ZBTB38: variants seen among roughly 807,000 people sequenced by gnomAD.
ZBTB38 encodes the protein zinc finger and BTB domain containing 38.
ZBTB38 carries 20 observed loss-of-function variants against 76.8 expected under a neutral mutation model. That is an observed-to-expected ratio of 0.26 (90% confidence interval 0.18 to 0.38). ZBTB38 has a LOEUF of 0.38. Ranked by LOEUF, ZBTB38 falls within the 10% of genes least tolerant of loss-of-function variation. ZBTB38 has a pLI of 1.00. For synonymous variants in ZBTB38, 504 were observed against 544.2 expected, an observed-to-expected ratio of 0.93 and a Z score of 1.03; for missense variants, 1,082 against 1,482.3, an observed-to-expected ratio of 0.73 and a Z score of 4.43.
chr3:141,401,541 C>A (rs566470423), intron 4 of ZBTB38, among the ~76,000 whole-genome samples: 1 of 151,946 alleles, frequency 6.6e-6, no homozygotes, highest in South Asian at 2.1e-4. Context: ...TGCAGAATTG[C>A]AAGTACTGTA....
At chr3:141,414,316 C>T (rs1007326153) in intron 5 of ZBTB38, among the ~76,000 whole-genome samples, 16 of 152,132 alleles carry the variant, frequency 1.1e-4, no homozygotes, top group Admixed American at 3.3e-4. Flanking sequence ...GCCAGTTGCA[C>T]GCCATTTGAC....
chr3:141,437,904 T>C (rs1322471315), intron 5 of ZBTB38, among the ~76,000 whole-genome samples: 1 of 152,126 alleles, frequency 6.6e-6, no homozygotes, highest in South Asian at 2.1e-4. Context: ...TTCTTTTTCT[T>C]TTTCTTTTAT....
chr3:141,355,324 A>G (rs547948148), intron 1 of ZBTB38, among the ~76,000 whole-genome samples: 5 of 152,210 alleles, frequency 3.3e-5, no homozygotes, highest in Admixed American at 3.3e-4. Flanking sequence ...ATAGTCTAAT[A>G]TCCTGATTAC....
upstream of ZBTB38, among the ~76,000 whole-genome samples, chr3:141,363,793 GGATCCC>G (rs1943883151): frequency 6.6e-6 from 1 of 152,086 alleles, no homozygotes; most frequent in African/African-American, 2.4e-5. Flanking sequence ...GAATGAATGT[GGATCCC>G]TACCTCACAC....
chr3:141,382,563 G>A (rs1475678269), intron 3 of ZBTB38, among the ~76,000 whole-genome samples: 3 of 152,026 alleles, frequency 2.0e-5, no homozygotes. Context: ...CATTCCATCT[G>A]AAATATATTT....
intron 5 of ZBTB38, among the ~76,000 whole-genome samples, chr3:141,427,238 C>G: frequency 6.6e-6 from 1 of 152,172 alleles, no homozygotes; most frequent in African/African-American, 2.4e-5. Context: ...GGTCAACAGT[C>G]TCAGCCCTCA....
At chr3:141,329,410 G>A (rs972098193) in intron 1 of ZBTB38, among the ~76,000 whole-genome samples, 2 of 152,118 alleles carry the variant, frequency 1.3e-5, no homozygotes, top group African/African-American at 2.4e-5. Flanking sequence ...CCCTCGGAGC[G>A]GCACACGTTT....
chr3:141,328,034 C>G (rs2148872388), intron 1 of ZBTB38, among the ~76,000 whole-genome samples: 1 of 152,242 alleles, frequency 6.6e-6, no homozygotes, highest in East Asian at 1.9e-4. Context: ...TAGTCTAATG[C>G]TTGAAGTTCA....
chr3:141,379,531 C>T (rs985349882), intron 2 of ZBTB38, among the ~76,000 whole-genome samples: 7 of 152,158 alleles, frequency 4.6e-5, no homozygotes, highest in African/African-American at 1.4e-4. Context: ...AGAGGGACAG[C>T]GGTGCTCATT....
intron 5 of ZBTB38, among the ~76,000 whole-genome samples, chr3:141,439,986 A>G (rs1018949221): frequency 4.6e-5 from 7 of 152,106 alleles, no homozygotes; most frequent in African/African-American, 1.7e-4. Flanking sequence ...AGACTCCTTC[A>G]CTCCGGGGTC....
At chr3:141,386,517 C>G (rs1947176703) in intron 3 of ZBTB38, 1 of 152,188 alleles carries the variant, frequency 6.6e-6, no homozygotes, top group African/African-American at 2.4e-5. Flanking sequence ...ATGCTATACC[C>G]TTTATCAAAA....
intron 5 of ZBTB38, among the ~76,000 whole-genome samples, chr3:141,421,425 C>G (rs531042084): frequency 6.6e-6 from 1 of 152,032 alleles, no homozygotes. Flanking sequence ...CCACACCCAC[C>G]GGGGAGTCTA....
intron 5 of ZBTB38, among the ~76,000 whole-genome samples, chr3:141,432,779 A>T (rs2077900736): frequency 3.3e-5 from 5 of 152,220 alleles, no homozygotes; most frequent in Admixed American, 3.3e-4. Context: ...AAATACTGGG[A>T]AGTAGTTAAA....
At chr3:141,337,603 G>C (rs950543603) in intron 1 of ZBTB38, among the ~76,000 whole-genome samples, 2 of 152,188 alleles carry the variant, frequency 1.3e-5, no homozygotes, top group South Asian at 2.1e-4. Flanking sequence ...TCCTTTTTTA[G>C]CTTCTGGCAT....
chr3:141,427,631 C>G (rs1278766518), intron 5 of ZBTB38: 1 of 152,284 alleles, frequency 6.6e-6, no homozygotes, highest in African/African-American at 2.4e-5. Context: ...CTGTATTGGC[C>G]AGGAGACTCT....
Position 141,443,619 on chromosome 3 carries a change from A to C in ZBTB38, c.1231A>C (p.Asn411His), listed in dbSNP as rs1176323882. 1.2e-6 allele frequency: 2 copies of C among 1,614,202 alleles called. No homozygotes were observed. The highest frequency in any genetic ancestry group is 3.3e-5 in the Admixed American group (2 of 60,026). ...IPGGNQRFLE[N>H]YPTIGQNGGS... ...TGGAGGAAACCAACGCTTTTTAGAA[A>C]ACTATCCTACCATTGGACAAAATGG... Residue 411 changes from asparagine to histidine, a missense_variant, in exon 6 of 6, where the codon AAC becomes CAC. By Grantham distance (68) the Asn-to-His change is moderately conservative. Transcript: ENST00000321464. The surrounding 1 kb of genome is among the most constrained non-coding windows in gnomAD (Gnocchi z 5.6).
At chr3:141,365,821 C>A (rs2148970525), upstream of ZBTB38, among the ~76,000 whole-genome samples, 2 of 152,198 alleles carry the variant, frequency 1.3e-5, no homozygotes. Context: ...TTACATAATT[C>A]TGTAAATACA....
intron 5 of ZBTB38, among the ~76,000 whole-genome samples, chr3:141,436,091 T>C (rs1260306572): frequency 6.6e-6 from 1 of 152,214 alleles, no homozygotes; most frequent in Non-Finnish European, 1.5e-5. Flanking sequence ...TGGCAGGAGC[T>C]CCTAAGACTT....
At chr3:141,329,074 A>C (rs1942763880) in intron 1 of ZBTB38, among the ~76,000 whole-genome samples, 1 of 152,082 alleles carries the variant, frequency 6.6e-6, no homozygotes, top group Non-Finnish European at 1.5e-5. Context: ...AATACTACAA[A>C]TACAACAGCG....
Sources: gnomAD v4.1 joint callset for allele counts (sites outside exome capture counted in the v4.1 genomes callset) on GRCh38, gnomAD v4.1.1 for gene constraint, Gnocchi (gnomAD v3.1) non-coding constraint, MANE v1.5 for transcripts, NCBI Gene and HGNC (gene_info 2026-07-23, HGNC 2026-07-21) for gene names.